Variants in PTPN4 observed in about 807,000 individuals in gnomAD.
The protein encoded by PTPN4 is protein tyrosine phosphatase non-receptor type 4.
Under a neutral mutation model 135.5 loss-of-function variants are expected in PTPN4, and 49 were observed. That is an observed-to-expected ratio of 0.36 (90% confidence interval 0.29 to 0.46). The LOEUF (loss-of-function observed/expected upper bound fraction) is 0.46, where lower values mean the gene tolerates loss of function less well. Ranked by LOEUF, PTPN4 falls within the 20% of genes least tolerant of loss-of-function variation. PTPN4 has a pLI of 1.00. For missense variants in PTPN4, 860 were observed against 1,101.0 expected, an observed-to-expected ratio of 0.78 and a Z score of 3.10; for synonymous variants, 333 against 369.9, an observed-to-expected ratio of 0.90 and a Z score of 1.14.
chr2:119,791,864 C>A (rs577310906), intron 1 of PTPN4, among the ~76,000 whole-genome samples: 9 of 147,192 alleles, frequency 6.1e-5, no homozygotes, highest in African/African-American at 1.9e-4. Context: ...ATTATTTCTT[C>A]AAGTATTCTG....
intron 1 of PTPN4, among the ~76,000 whole-genome samples, chr2:119,786,155 A>G (rs894632815): frequency 2.6e-5 from 4 of 152,180 alleles, no homozygotes; most frequent in Non-Finnish European, 4.4e-5. Flanking sequence ...TCCCTGGCCT[A>G]TGAGGAAATA....
intron 20 of PTPN4, among the ~76,000 whole-genome samples, chr2:119,955,853 C>T (rs1002051069): frequency 1.3e-4 from 20 of 151,982 alleles, no homozygotes; most frequent in African/African-American, 4.8e-4. Flanking sequence ...AGGAGAATGG[C>T]GTGAACCTGG....
At chr2:119,965,284 T>C (rs1235645215) in intron 24 of PTPN4, among the ~76,000 whole-genome samples, 1 of 152,158 alleles carries the variant, frequency 6.6e-6, no homozygotes, top group African/African-American at 2.4e-5. Context: ...AATCTTGTAA[T>C]GGGTCTGTGG....
At chr2:119,947,473 A>G (rs1331316382) in intron 18 of PTPN4, among the ~76,000 whole-genome samples, 1 of 152,188 alleles carries the variant, frequency 6.6e-6, no homozygotes, top group Non-Finnish European at 1.5e-5. Context: ...TGGCATGAGC[A>G]TAAACACAGA....
At chr2:119,957,223 A>G (rs1679301998) in intron 22 of PTPN4, 146 bp downstream of exon 22, 2 of 756,864 alleles carry the variant, frequency 2.6e-6, no homozygotes, top group South Asian at 4.3e-5. Context: ...ATTAAAGAAA[A>G]TATTTTGGTA....
chr2:119,828,103 T>G (rs1677171048), intron 2 of PTPN4, among the ~76,000 whole-genome samples: 1 of 152,232 alleles, frequency 6.6e-6, no homozygotes, highest in South Asian at 2.1e-4. Flanking sequence ...CATTTTAGAC[T>G]TCAGCTGTCA....
chr2:119,876,940 T>TGTGC lies in PTPN4; in HGVS notation c.247-382_247-381insTGCG, dbSNP rs1182103102. The stretch of plus-strand genomic sequence containing the variant: ...GTGTGTGTGTGTGTGTGTGTGTGTG[T>TGTGC]GCGTGAAGGGTGAAGAGAATTTTGA... On this transcript the variant is annotated intron_variant, in intron 3 of 26. Coordinates refer to ENST00000263708, the MANE Select transcript of PTPN4 (RefSeq NM_002830.4). Among the ~76,000 whole-genome samples, 437 of 148,568 alleles carry TGTGC rather than the reference T, an allele frequency of 2.9e-3. 3 individuals are homozygous for TGTGC. Among genetic ancestry groups the TGTGC allele is most frequent in the African/African-American group, 7.2e-3 (287 of 39,672 alleles).
At chr2:119,779,643 A>G (rs1231996199) in intron 1 of PTPN4, among the ~76,000 whole-genome samples, 2 of 151,870 alleles carry the variant, frequency 1.3e-5, no homozygotes. Context: ...AAGATCAGCT[A>G]TCGAGGATAC....
chr2:119,963,702 G>T (rs951699435), intron 24 of PTPN4, among the ~76,000 whole-genome samples: 1 of 152,158 alleles, frequency 6.6e-6, no homozygotes, highest in Admixed American at 6.5e-5. Flanking sequence ...AAATTTTATG[G>T]GCTAGAGTCC....
intron 12 of PTPN4, among the ~76,000 whole-genome samples, chr2:119,921,520 G>T (rs1344893776): frequency 1.3e-5 from 2 of 151,834 alleles, no homozygotes; most frequent in Non-Finnish European, 2.9e-5. Flanking sequence ...AGTAAAAGTG[G>T]CTCAAAAGTT....
intron 3 of PTPN4, 72 bp downstream of exon 3, chr2:119,862,715 AT>A: frequency 8.0e-7 from 1 of 1,252,202 alleles, no homozygotes. Flanking sequence ...GTCCTTTCTG[AT>A]TTACAGTGTT....
At chr2:119,760,871 C>CAAAA (rs11288109) in intron 1 of PTPN4, among the ~76,000 whole-genome samples, 1 of 82,032 alleles carries the variant, frequency 1.2e-5, no homozygotes, top group Non-Finnish European at 2.6e-5. Context: ...GTAGTTGAGC[C>CAAAA]AAAAAAAAAA....
At chr2:119,769,467 G>T (rs1690696607) in intron 1 of PTPN4, among the ~76,000 whole-genome samples, 1 of 152,288 alleles carries the variant, frequency 6.6e-6, no homozygotes, top group East Asian at 1.9e-4. Flanking sequence ...GTGGTAGCCT[G>T]GGAAAATCTG....
chr2:119,784,461 A>G (rs1691006570), intron 1 of PTPN4, among the ~76,000 whole-genome samples: 1 of 143,246 alleles, frequency 7.0e-6, no homozygotes, highest in Admixed American at 7.4e-5. Context: ...ATCTTGGCTC[A>G]CTGCAAGCTC....
At chr2:119,782,294 C>T (rs1690953764) in intron 1 of PTPN4, among the ~76,000 whole-genome samples, 1 of 152,148 alleles carries the variant, frequency 6.6e-6, no homozygotes, top group Middle Eastern at 3.4e-3. Flanking sequence ...AGACAGGCGC[C>T]TGTAATCCCA....
intron 12 of PTPN4, among the ~76,000 whole-genome samples, chr2:119,922,554 TTA>T (rs931046531): frequency 2.0e-5 from 3 of 152,206 alleles, no homozygotes; most frequent in Non-Finnish European, 4.4e-5. Flanking sequence ...ATGATATCCT[TTA>T]TATATATTGT....
At chr2:119,947,889 T>C (rs1403601222) in intron 18 of PTPN4, among the ~76,000 whole-genome samples, 2 of 152,090 alleles carry the variant, frequency 1.3e-5, no homozygotes. Context: ...TGACTACTAA[T>C]AACTTCCAGG....
At chr2:119,775,745 C>T (rs1690822909) in intron 1 of PTPN4, among the ~76,000 whole-genome samples, 1 of 152,152 alleles carries the variant, frequency 6.6e-6, no homozygotes, top group East Asian at 1.9e-4. Flanking sequence ...AGATGTTGTG[C>T]ATGACTTCAC....
chr2:119,855,891 G>A (rs957008921), intron 2 of PTPN4, among the ~76,000 whole-genome samples: 43 of 152,010 alleles, frequency 2.8e-4, no homozygotes, highest in Middle Eastern at 3.4e-3. Flanking sequence ...GCAAAGCTCC[G>A]CCTCCTGGGT....
Sources: allele counts gnomAD v4.1 joint callset (sites outside exome capture counted in the v4.1 genomes callset), GRCh38; gene constraint gnomAD v4.1.1; transcripts MANE v1.5; gene names NCBI Gene and HGNC (gene_info 2026-07-23, HGNC 2026-07-21).